DMD: variants seen among roughly 807,000 people sequenced by gnomAD.
DMD encodes dystrophin, also known as mutant dystrophin.
A neutral mutation model predicts 330.1 loss-of-function variants in DMD; 63 were observed. That is an observed-to-expected ratio of 0.19 (90% CI 0.16 to 0.24). The LOEUF (loss-of-function observed/expected upper bound fraction) is 0.24, where lower values mean the gene tolerates loss of function less well. Ranked by LOEUF, DMD falls within the 10% of genes least tolerant of loss-of-function variation. The pLI is 1.00. For missense variants in DMD, 3,344 were observed against 2,684.1 expected, an observed-to-expected ratio of 1.25 and a Z score of -5.43; for synonymous variants, 1,223 against 959.8, an observed-to-expected ratio of 1.27 and a Z score of -5.07.
At chrX:33,016,496 G>A (rs1321492251) in intron 2 of DMD, among the ~76,000 whole-genome samples, 1 of 111,191 alleles carries the variant, frequency 9.0e-6, no homozygotes, top group African/African-American at 3.3e-5. Flanking sequence ...TCTGCATCTC[G>A]TTATTGGGCC....
chrX:32,553,030 C>A (rs1343545387), intron 16 of DMD, among the ~76,000 whole-genome samples: 1 of 111,771 alleles, frequency 8.9e-6, no homozygotes, highest in Non-Finnish European at 1.9e-5. Context: ...CAACGAAAAC[C>A]AGAATTACCA....
chrX:33,031,028 T>C (rs1021934209), intron 1 of DMD, among the ~76,000 whole-genome samples: 1 of 111,481 alleles, frequency 9.0e-6, no homozygotes, highest in Non-Finnish European at 1.9e-5. Flanking sequence ...TAAAGGTTAA[T>C]AAAATGGCAT....
intron 45 of DMD, among the ~76,000 whole-genome samples, chrX:31,954,829 C>G (rs1431305323): frequency 9.1e-6 from 1 of 109,859 alleles, no homozygotes; most frequent in African/African-American, 3.3e-5. Context: ...GGTATATTTA[C>G]TTTTATTTAT....
At chrX:32,759,847 G>GC (rs2072003094) in intron 7 of DMD, among the ~76,000 whole-genome samples, 3 of 14,643 alleles carry the variant, frequency 2.0e-4, no homozygotes, top group South Asian at 4.5e-3. Context: ...TTTTCTTGGG[G>GC]GGGGGGGGGG....
At chrX:33,002,342 T>C (rs943846646) in intron 2 of DMD, among the ~76,000 whole-genome samples, 3 of 110,922 alleles carry the variant, frequency 2.7e-5, no homozygotes, top group African/African-American at 9.8e-5. Context: ...GTACATGCCA[T>C]AGTGTGAGAG....
rs749474124 is a variant in DMD, at chrX:32,310,070, C to T, written c.6117+12G>A. The T allele has an allele frequency of 1.7e-6, 2 of 1,199,762 alleles. No homozygotes were observed. Among genetic ancestry groups the T allele is most frequent in the Non-Finnish European group, 1.1e-6 (1 of 885,496 alleles). On this transcript the variant is annotated intron_variant, in intron 42 of 78. Coordinates refer to ENST00000357033, the MANE Select transcript of DMD (RefSeq NM_004006.3). The stretch of plus-strand genomic sequence containing the variant: ...ACCTTGTAAAATACGAATGAAAGTG[C>T]TTTGGTTTTACCTTCAGAGACTCCT...
rs1438492867 is a variant in DMD at position 32,794,352 on chromosome X, G to C, written c.649+15141C>G. Among the ~76,000 whole-genome samples, 3 of 112,124 alleles carry C rather than the reference G, an allele frequency of 2.7e-5. No homozygotes were observed. In the East Asian group the frequency reaches 8.5e-4, roughly 32 times the overall value. ...CGCCTGTAATCCCAGCACTTTGGGA[G>C]GCAGAGGTGGGTGGATCAATAGATC... On this transcript the variant is annotated intron_variant, in intron 7 of 78. Coordinates refer to ENST00000357033, the MANE Select transcript of DMD (RefSeq NM_004006.3).
At chrX:31,428,990 T>C (rs369718921) in intron 60 of DMD, among the ~76,000 whole-genome samples, 1,409 of 109,324 alleles carry the variant, frequency 0.013, 12 homozygotes, top group Middle Eastern at 0.023. Flanking sequence ...GGCGTGGTGG[T>C]GGATGCCTGT....
Position 32,517,990 on chromosome X carries a change from A to G in DMD, c.2292+18T>C. 8.3e-7 allele frequency: 1 copy of G among 1,209,700 alleles called. No homozygotes were observed. On this transcript the variant is annotated intron_variant, in intron 18 of 78. Coordinates refer to ENST00000357033, the MANE Select transcript of DMD (RefSeq NM_004006.3). ...AGCACAAAATGAGTACAGATATAAAAATTAATGCATAACCTACATTGACTT... is the reference window on the plus strand; with the variant it reads ...AGCACAAAATGAGTACAGATATAAAGATTAATGCATAACCTACATTGACTT...
At chrX:32,467,632 G>GTA (rs5902033) in intron 23 of DMD, among the ~76,000 whole-genome samples, 5,831 of 100,094 alleles carry the variant, frequency 0.058, 175 homozygotes, top group Middle Eastern at 0.13. Context: ...CATTATACAC[G>GTA]TATATATATA....
chrX:32,514,380 G>C (rs1378764217), intron 18 of DMD, among the ~76,000 whole-genome samples: 1 of 112,243 alleles, frequency 8.9e-6, no homozygotes, highest in Non-Finnish European at 1.9e-5. Flanking sequence ...TAATTGTTGA[G>C]AGAAACTAAG....
chrX:32,070,460 G>A (rs184647857), intron 44 of DMD, among the ~76,000 whole-genome samples: 115 of 111,137 alleles, frequency 1.0e-3, no homozygotes, highest in Non-Finnish European at 1.8e-3. Context: ...GTAAGTCTCT[G>A]TCACTTACAT....
At chrX:31,821,629 ACTC>A (rs1241641963) in intron 49 of DMD, among the ~76,000 whole-genome samples, 1 of 111,652 alleles carries the variant, frequency 9.0e-6, no homozygotes, top group Non-Finnish European at 1.9e-5. Flanking sequence ...CAAGAAAAGA[ACTC>A]CTATTGTGTT....
chrX:32,545,874 T>A (rs188305249), intron 16 of DMD, among the ~76,000 whole-genome samples: 8 of 110,958 alleles, frequency 7.2e-5, no homozygotes, highest in Admixed American at 3.9e-4. Context: ...GCTTTTAAAA[T>A]TACAATAAAA....
chrX:31,571,386 C>T (rs2075812602), intron 55 of DMD, among the ~76,000 whole-genome samples: 1 of 97,386 alleles, frequency 1.0e-5, no homozygotes, highest in African/African-American at 4.0e-5. Flanking sequence ...AGTCCTGATG[C>T]CTCAAATTTA....
At chrX:31,670,998 T>G (rs1482951803) in intron 53 of DMD, among the ~76,000 whole-genome samples, 1 of 110,463 alleles carries the variant, frequency 9.1e-6, no homozygotes, top group Non-Finnish European at 1.9e-5. Flanking sequence ...CTGCAAACTC[T>G]GCCTCCAGGG....
At chrX:32,475,549 T>C (rs1280348890) in intron 21 of DMD, among the ~76,000 whole-genome samples, 1 of 111,504 alleles carries the variant, frequency 9.0e-6, no homozygotes, top group African/African-American at 3.3e-5. Context: ...TTTGGTAGTT[T>C]TCCTTGGAGA....
chrX:32,987,493 G>T (rs1302827733), intron 2 of DMD, among the ~76,000 whole-genome samples: 2 of 111,684 alleles, frequency 1.8e-5, no homozygotes, highest in East Asian at 5.6e-4. Flanking sequence ...CAAACTGTTG[G>T]AGAGTTACAT....
chrX:32,671,230 T>C (rs1348599741), intron 9 of DMD, among the ~76,000 whole-genome samples: 2 of 110,968 alleles, frequency 1.8e-5, no homozygotes, highest in Non-Finnish European at 3.8e-5. Flanking sequence ...CTGAATAATG[T>C]ATCTCTCTCC....
Sources: allele counts gnomAD v4.1 joint callset (sites outside exome capture counted in the v4.1 genomes callset), GRCh38; gene constraint gnomAD v4.1.1; transcripts MANE v1.5; gene names NCBI Gene and HGNC (gene_info 2026-07-23, HGNC 2026-07-21).